IQGAP2: variants seen among roughly 807,000 people sequenced by gnomAD.
IQGAP2 encodes the protein ras GTPase-activating-like protein IQGAP2.
A neutral mutation model predicts 201.3 loss-of-function variants in IQGAP2; 173 were observed. The ratio of observed to expected loss-of-function variants is 0.86; its 90% CI spans 0.76 to 0.98. The LOEUF (loss-of-function observed/expected upper bound fraction) is 0.98, where lower values mean the gene tolerates loss of function less well. IQGAP2 is among the 50% of genes least tolerant of loss of function. IQGAP2 has a pLI of 0.00. For missense variants in IQGAP2, 1,687 were observed against 1,864.8 expected (o/e 0.90, Z 1.76); for synonymous variants, 675 against 673.9 (o/e 1.00, Z -0.03).
intron 30 of IQGAP2, among the ~76,000 whole-genome samples, chr5:76,689,239 A>T (rs1746053432): frequency 6.8e-6 from 1 of 148,110 alleles, no homozygotes; most frequent in Non-Finnish European, 1.5e-5. Flanking sequence ...TTAAAAAAAA[A>T]AAAAAAAAAA....
chr5:76,483,147 A>G (rs1013560910), intron 2 of IQGAP2, among the ~76,000 whole-genome samples: 1 of 152,238 alleles, frequency 6.6e-6, no homozygotes, highest in East Asian at 1.9e-4. Context: ...GTGCGCCTTC[A>G]GCTGCTTTTT....
At chr5:76,541,891 T>C (rs2150220852) in intron 2 of IQGAP2, among the ~76,000 whole-genome samples, 1 of 152,350 alleles carries the variant, frequency 6.6e-6, no homozygotes. Context: ...TATGAGAACA[T>C]GCAGAGCATA....
At chr5:76,663,908 T>C (rs570295098) in intron 21 of IQGAP2, among the ~76,000 whole-genome samples, 16 of 152,372 alleles carry the variant, frequency 1.1e-4, no homozygotes, top group African/African-American at 3.8e-4. Flanking sequence ...AGGGCCTTGC[T>C]TTGGATTAGG....
At chr5:76,631,755 TG>T in intron 14 of IQGAP2, 103 bp from the exon 15 acceptor site, 1 of 789,702 alleles carries the variant, frequency 1.3e-6, no homozygotes, top group East Asian at 2.8e-5. Flanking sequence ...AGGGTAAAAA[TG>T]TTTGATACTA....
intron 2 of IQGAP2, among the ~76,000 whole-genome samples, chr5:76,473,226 G>A (rs1460918628): frequency 6.6e-6 from 1 of 152,032 alleles, no homozygotes; most frequent in Admixed American, 6.5e-5. Context: ...GGTTCTATAT[G>A]GGCTAGTTCT....
intron 5 of IQGAP2, among the ~76,000 whole-genome samples, chr5:76,579,837 A>T (rs1378788688): frequency 1.3e-5 from 2 of 151,414 alleles, no homozygotes; most frequent in Non-Finnish European, 2.9e-5. Flanking sequence ...CCCTCTTTCT[A>T]CCCGGTGTTT....
At chr5:76,503,174 C>CTT (rs11297908) in intron 2 of IQGAP2, among the ~76,000 whole-genome samples, 32,940 of 109,112 alleles carry the variant, frequency 0.3, 5,240 homozygotes, top group Non-Finnish European at 0.39. Flanking sequence ...CTTTTCTTTT[C>CTT]TTTTTTTTTT....
At chr5:76,610,016 A>G (rs1245175526) in intron 12 of IQGAP2, among the ~76,000 whole-genome samples, 1 of 121,588 alleles carries the variant, frequency 8.2e-6, no homozygotes, top group Non-Finnish European at 1.7e-5. Flanking sequence ...TGTGCTTTTC[A>G]TTTGTGAACC....
chr5:76,696,881 A>G (rs1477404908), intron 32 of IQGAP2, among the ~76,000 whole-genome samples: 2 of 152,022 alleles, frequency 1.3e-5, no homozygotes, highest in Non-Finnish European at 2.9e-5. Flanking sequence ...TATTTAATGA[A>G]GAATATTCTA....
intron 2 of IQGAP2, among the ~76,000 whole-genome samples, chr5:76,489,407 G>A (rs1201800718): frequency 6.6e-6 from 1 of 151,878 alleles, no homozygotes; most frequent in Non-Finnish European, 1.5e-5. Flanking sequence ...CTTTCATCTC[G>A]CCACCCCACC....
chr5:76,427,224 C>T (rs1481185512), intron 1 of IQGAP2, among the ~76,000 whole-genome samples: 1 of 152,096 alleles, frequency 6.6e-6, no homozygotes, highest in African/African-American at 2.4e-5. Context: ...CACATGTCCC[C>T]GGTTAAGAAT....
chr5:76,618,239 C>G, intron 13 of IQGAP2: 1 of 1,614,158 alleles, frequency 6.2e-7, no homozygotes. Flanking sequence ...CCCAGTTGTT[C>G]CCATTGAGAT....
intron 11 of IQGAP2, among the ~76,000 whole-genome samples, chr5:76,603,641 G>A (rs946887745): frequency 7.2e-5 from 11 of 151,954 alleles, no homozygotes; most frequent in South Asian, 2.1e-4. Context: ...AATTTTTGTC[G>A]TCTTACCCAC....
chr5:76,502,126 A>C (rs1039171702), intron 2 of IQGAP2, among the ~76,000 whole-genome samples: 6 of 152,166 alleles, frequency 3.9e-5, no homozygotes, highest in Non-Finnish European at 8.8e-5. Context: ...GCTGACTAGA[A>C]AGTCGCCTGC....
chr5:76,625,016 G>A (rs1750094951), intron 13 of IQGAP2, among the ~76,000 whole-genome samples: 1 of 152,204 alleles, frequency 6.6e-6, no homozygotes, highest in South Asian at 2.1e-4. Flanking sequence ...GGAGGTTGCA[G>A]TGAGCAAGCC....
intron 1 of IQGAP2, among the ~76,000 whole-genome samples, chr5:76,450,958 T>A (rs1286567821): frequency 1.3e-5 from 2 of 152,052 alleles, no homozygotes; most frequent in Non-Finnish European, 2.9e-5. Context: ...TCACACTCAC[T>A]AACAGCATAT....
intron 1 of IQGAP2, among the ~76,000 whole-genome samples, chr5:76,414,463 C>T (rs534969383): frequency 1.3e-5 from 2 of 152,158 alleles, no homozygotes; most frequent in Admixed American, 1.3e-4. Context: ...TGCTTTTGCT[C>T]TCATTCTGTT....
At chr5:76,610,076 C>CTCTCTA (rs1326468006) in intron 12 of IQGAP2, among the ~76,000 whole-genome samples, 1 of 18,700 alleles carries the variant, frequency 5.3e-5, no homozygotes, top group African/African-American at 1.8e-4. Flanking sequence ...CTCTCTCTCT[C>CTCTCTA]TATATATATA....
At chr5:76,563,742 A>T (rs755722872) in intron 3 of IQGAP2, among the ~76,000 whole-genome samples, 2 of 152,020 alleles carry the variant, frequency 1.3e-5, no homozygotes, top group African/African-American at 2.4e-5. Flanking sequence ...TCTTTATATC[A>T]ATATTTTTTA....
Sources: allele counts gnomAD v4.1 joint callset (sites outside exome capture counted in the v4.1 genomes callset), GRCh38; gene constraint gnomAD v4.1.1; transcripts MANE v1.5; gene names NCBI Gene and HGNC (gene_info 2026-07-23, HGNC 2026-07-21).